GRM7: variants seen among roughly 807,000 people sequenced by gnomAD.
GRM7 encodes the protein glutamate metabotropic receptor 7.
A neutral mutation model predicts 84.5 loss-of-function variants in GRM7; 35 were observed. The ratio of observed to expected loss-of-function variants is 0.41; its 90% CI spans 0.32 to 0.55. GRM7 has a LOEUF of 0.55. Ranked by LOEUF, GRM7 falls within the 20% of genes least tolerant of loss-of-function variation. The pLI, the probability that GRM7 is intolerant of heterozygous loss-of-function variation, is 0.19. For synonymous variants in GRM7, 487 were observed against 455.1 expected (o/e 1.07, Z -0.89); for missense variants, 1,003 against 1,194.6 (o/e 0.84, Z 2.36).
chr3:7,577,520 A>C (rs1048879764), intron 7 of GRM7, among the ~76,000 whole-genome samples: 1 of 152,194 alleles, frequency 6.6e-6, no homozygotes, highest in Non-Finnish European at 1.5e-5. Flanking sequence ...TGTGCTGGCA[A>C]AGAGGAGAGA....
chr3:7,511,473 G>T (rs920917908), intron 7 of GRM7, among the ~76,000 whole-genome samples: 3 of 152,156 alleles, frequency 2.0e-5, no homozygotes, highest in African/African-American at 4.8e-5. Context: ...CATTGTGACT[G>T]CTTGCCATCA....
chr3:6,971,017 C>CGA (rs1459829138), intron 1 of GRM7, among the ~76,000 whole-genome samples: 6 of 128,516 alleles, frequency 4.7e-5, no homozygotes, highest in South Asian at 2.7e-4. Flanking sequence ...CAAACAAAAC[C>CGA]GAGAGAGAGA....
intron 1 of GRM7, among the ~76,000 whole-genome samples, chr3:6,997,590 C>T (rs1694868297): frequency 6.6e-6 from 1 of 152,158 alleles, no homozygotes; most frequent in Admixed American, 6.5e-5. Flanking sequence ...CCACCTAGTC[C>T]TTCCCACAAC....
chr3:7,329,911 T>A, intron 4 of GRM7, among the ~76,000 whole-genome samples: 1 of 152,158 alleles, frequency 6.6e-6, no homozygotes, highest in East Asian at 1.9e-4. Flanking sequence ...ATTTTCCAGT[T>A]GTGTAGATGG....
chr3:6,932,361 C>T (rs115173150), intron 1 of GRM7, among the ~76,000 whole-genome samples: 1,810 of 152,184 alleles, frequency 0.012, 38 homozygotes, highest in African/African-American at 0.041. Flanking sequence ...CAGATGGAAG[C>T]TTTTTGTCCA....
intron 2 of GRM7, among the ~76,000 whole-genome samples, chr3:7,217,290 G>A (rs1286849522): frequency 1.3e-5 from 2 of 152,142 alleles, no homozygotes; most frequent in Admixed American, 1.3e-4. Context: ...ACTAAAGTGT[G>A]TACTGACTGA....
intron 4 of GRM7, among the ~76,000 whole-genome samples, chr3:7,341,812 T>C (rs954124312): frequency 6.6e-6 from 1 of 152,022 alleles, no homozygotes; most frequent in Admixed American, 6.6e-5. Context: ...TTAGAAGAAG[T>C]TTAATAACTT....
rs553446808 is a variant in GRM7 at position 7,225,326 on chromosome 3, A to C, written c.737-73358A>C. Among the ~76,000 whole-genome samples, 3 of 150,014 alleles carry C rather than the reference A, an allele frequency of 2.0e-5. 1 individual carries two copies. In the South Asian group the frequency reaches 6.2e-4, roughly 31 times the overall value. ...ACCTCAAACTCAGCAGCATTGGGTT[A>C]TAATATATAACTTATTATATATACA... On this transcript the variant is annotated intron_variant, in intron 2 of 9. Coordinates refer to ENST00000357716, the MANE Select transcript of GRM7 (RefSeq NM_000844.4).
intron 8 of GRM7, among the ~76,000 whole-genome samples, chr3:7,650,624 T>C (rs1698889917): frequency 6.6e-6 from 1 of 152,264 alleles, no homozygotes; most frequent in Admixed American, 6.5e-5. Flanking sequence ...AATAGCACTA[T>C]GAAGTGTGGA....
intron 2 of GRM7, among the ~76,000 whole-genome samples, chr3:7,289,735 A>T (rs894459597): frequency 4.6e-5 from 7 of 152,066 alleles, no homozygotes; most frequent in African/African-American, 1.7e-4. Context: ...GGAAACCATC[A>T]TTCTCAGCAA....
intron 7 of GRM7, among the ~76,000 whole-genome samples, chr3:7,551,870 A>T (rs188767088): frequency 2.6e-5 from 4 of 152,278 alleles, no homozygotes; most frequent in African/African-American, 9.6e-5. Context: ...AAGAAGTTTA[A>T]TTGACTCACT....
intron 9 of GRM7, among the ~76,000 whole-genome samples, chr3:7,723,705 T>G (rs2106521259): frequency 6.6e-6 from 1 of 151,698 alleles, no homozygotes; most frequent in Admixed American, 6.6e-5. Flanking sequence ...TAAAAATGAG[T>G]CAGGCATGGT....
intron 2 of GRM7, among the ~76,000 whole-genome samples, chr3:7,163,890 G>A (rs1694713616): frequency 1.3e-5 from 2 of 152,140 alleles, no homozygotes; most frequent in Non-Finnish European, 1.5e-5. Flanking sequence ...TTTAAAATGT[G>A]TTTTGAATAT....
chr3:7,100,606 C>G (rs1699077300), intron 1 of GRM7, among the ~76,000 whole-genome samples: 1 of 151,688 alleles, frequency 6.6e-6, no homozygotes, highest in African/African-American at 2.4e-5. Flanking sequence ...TCAGTTCTGT[C>G]ATTTATTTGG....
intron 4 of GRM7, among the ~76,000 whole-genome samples, chr3:7,358,704 C>T (rs1693518722): frequency 6.6e-6 from 1 of 150,804 alleles, no homozygotes; most frequent in Non-Finnish European, 1.5e-5. Flanking sequence ...CCACTGAATG[C>T]CTTTTGGGAT....
chr3:7,369,880 G>A (rs547657278), intron 4 of GRM7, among the ~76,000 whole-genome samples: 18 of 152,202 alleles, frequency 1.2e-4, no homozygotes, highest in East Asian at 7.7e-4. Flanking sequence ...TAGCATAACC[G>A]TATTCTGGTT....
intron 1 of GRM7, among the ~76,000 whole-genome samples, chr3:6,895,604 A>C (rs1696149209): frequency 6.6e-6 from 1 of 152,148 alleles, no homozygotes; most frequent in Admixed American, 6.6e-5. Context: ...TTTTTGTTGG[A>C]TACCAAAGAC....
intron 8 of GRM7, among the ~76,000 whole-genome samples, chr3:7,612,645 G>C (rs114304154): frequency 7.9e-4 from 121 of 152,282 alleles, no homozygotes; most frequent in African/African-American, 2.7e-3. Flanking sequence ...AGACTTCTCC[G>C]CGTGGCATCA....
intron 8 of GRM7, among the ~76,000 whole-genome samples, chr3:7,617,804 C>T (rs1445291831): frequency 6.6e-6 from 1 of 152,020 alleles, no homozygotes. Flanking sequence ...ACAAACTATT[C>T]CAAATGTCGA....
Sources: gnomAD v4.1 joint callset for allele counts (sites outside exome capture counted in the v4.1 genomes callset) on GRCh38, gnomAD v4.1.1 for gene constraint, MANE v1.5 for transcripts, NCBI Gene and HGNC (gene_info 2026-07-23, HGNC 2026-07-21) for gene names.